PCNX2: variants seen among roughly 807,000 people sequenced by gnomAD.
The protein encoded by PCNX2 is pecanex-like protein 2.
A neutral mutation model predicts 223.8 loss-of-function variants in PCNX2; 168 were observed. That is an observed-to-expected ratio of 0.75 (90% CI 0.66 to 0.85). The LOEUF is 0.85. Among genes scored for constraint, PCNX2 ranks in the 40% least tolerant of loss-of-function variants. The pLI is 0.00. For synonymous variants in PCNX2, 1,006 were observed against 1,052.6 expected (o/e 0.96, Z 0.86); for missense variants, 2,507 against 2,675.5 (o/e 0.94, Z 1.39).
rs567267728 is a variant in PCNX2, at chr1:233,232,140, T to C, written c.2358+4705A>G. ...ATCCTATTATAACAGTGGCTATGTTTAGCAGCCAAAATTAATAACAAATCA... is the reference window on the plus strand; with the variant it reads ...ATCCTATTATAACAGTGGCTATGTTCAGCAGCCAAAATTAATAACAAATCA... On this transcript the variant is annotated intron_variant, in intron 9 of 33. Coordinates refer to ENST00000258229, the MANE Select transcript of PCNX2 (RefSeq NM_014801.4). Among the ~76,000 whole-genome samples, 12 of 152,368 alleles carry C rather than the reference T, an allele frequency of 7.9e-5. No individual in the cohort carries two copies. In the South Asian group the frequency reaches 2.5e-3, roughly 32 times the overall value.
At chr1:233,024,849 T>C (rs1404683745) in intron 26 of PCNX2, among the ~76,000 whole-genome samples, 1 of 152,182 alleles carries the variant, frequency 6.6e-6, no homozygotes, top group Non-Finnish European at 1.5e-5. Flanking sequence ...TTTAAATTTG[T>C]CCTCATCATC....
At chr1:233,176,723 G>A (rs2002475) in intron 17 of PCNX2, among the ~76,000 whole-genome samples, 8,926 of 152,286 alleles carry the variant, frequency 0.059, 515 homozygotes, top group East Asian at 0.31. Context: ...CCACCATCAA[G>A]ATGCTCTAGG....
intron 14 of PCNX2, 89 bp from the exon 15 acceptor site, chr1:233,199,119 G>T: frequency 8.2e-7 from 1 of 1,215,250 alleles, no homozygotes; most frequent in Non-Finnish European, 1.2e-6. Flanking sequence ...TTGCACATTC[G>T]CATACAAGAT....
Position 232,991,289 on chromosome 1 carries a change from C to T in PCNX2, c.5792-4749G>A, listed in dbSNP as rs1293181664. On this transcript the variant is annotated intron_variant, in intron 32 of 33. Transcript: ENST00000258229. This position sits in a 1 kb window ranked among gnomAD's most constrained non-coding sequence, Gnocchi z 4.3. Reference sequence around the variant, plus strand: ...ACACTGGGGACAGAGGAGGCAGCAGCTGAGGGGGCCCTGGAAAGGAGAATG... The same window carrying T: ...ACACTGGGGACAGAGGAGGCAGCAGTTGAGGGGGCCCTGGAAAGGAGAATG... Among the ~76,000 whole-genome samples the T allele has an allele frequency of 6.6e-6, 1 of 151,956 alleles. No individual in the cohort carries two copies. Among genetic ancestry groups the T allele is most frequent in the Non-Finnish European group, 1.5e-5 (1 of 67,982 alleles).
chr1:233,066,282 G>A (rs1672606337), intron 23 of PCNX2, among the ~76,000 whole-genome samples: 1 of 152,202 alleles, frequency 6.6e-6, no homozygotes, highest in Non-Finnish European at 1.5e-5. Context: ...ACTGAGCTGT[G>A]GGCAGTGACA....
chr1:233,005,904 T>A (rs1316537163), intron 28 of PCNX2, among the ~76,000 whole-genome samples: 1 of 152,202 alleles, frequency 6.6e-6, no homozygotes, highest in African/African-American at 2.4e-5. Flanking sequence ...TTGGCCTTCC[T>A]GGGGACTAAA....
chr1:233,192,212 C>T (rs936486887), intron 15 of PCNX2, among the ~76,000 whole-genome samples: 1 of 152,132 alleles, frequency 6.6e-6, no homozygotes, highest in African/African-American at 2.4e-5. Flanking sequence ...AGCCAAGTGA[C>T]ATATATACAT....
chr1:233,032,048 T>C, intron 25 of PCNX2: 1 of 980,548 alleles, frequency 1.0e-6, no homozygotes, highest in South Asian at 4.7e-5. Context: ...ATAATATAAT[T>C]TAGGAAGAAA....
At chr1:233,266,291 T>A (rs74982670) in intron 1 of PCNX2, among the ~76,000 whole-genome samples, 29,443 of 152,014 alleles carry the variant, frequency 0.19, 2,865 homozygotes, top group South Asian at 0.25. Flanking sequence ...GAGGATCTCT[T>A]GAGCCCAGGA....
rs534927584 is a variant in PCNX2, at chr1:233,242,487, T to C, written c.2223-5507A>G. Among the ~76,000 whole-genome samples, 6 of 152,346 alleles carry C rather than the reference T, an allele frequency of 3.9e-5. No individual in the cohort carries two copies. In the South Asian group the frequency reaches 1.2e-3, roughly 32 times the overall value. On this transcript the variant is annotated intron_variant, in intron 8 of 33. Transcript: ENST00000258229. Reference sequence around the variant, plus strand: ...TCAGATTTCACTGGGGAGCAGATGATATGCATTTTGCATGCATTTCCATTA... The same window carrying C: ...TCAGATTTCACTGGGGAGCAGATGACATGCATTTTGCATGCATTTCCATTA...
intron 8 of PCNX2, among the ~76,000 whole-genome samples, chr1:233,248,261 G>T (rs574780056): frequency 6.6e-6 from 1 of 151,616 alleles, no homozygotes; most frequent in Admixed American, 6.6e-5. Flanking sequence ...AACATCCCTC[G>T]GAGAGCCAGC....
At chr1:233,074,448 A>G (rs1672996189) in intron 23 of PCNX2, among the ~76,000 whole-genome samples, 1 of 151,714 alleles carries the variant, frequency 6.6e-6, no homozygotes, top group African/African-American at 2.4e-5. Flanking sequence ...CAAAAAAATT[A>G]GCTGGGCGTA....
the PCNX2 span, among the ~76,000 whole-genome samples, chr1:233,324,923 C>A: frequency 6.6e-6 from 1 of 152,086 alleles, no homozygotes; most frequent in African/African-American, 2.4e-5. Context: ...CTGTTAAGAG[C>A]TATTGCTCAG....
At chr1:233,282,863 G>A (rs1004155163) in intron 1 of PCNX2, among the ~76,000 whole-genome samples, 8 of 151,990 alleles carry the variant, frequency 5.3e-5, no homozygotes, top group Admixed American at 4.6e-4. Flanking sequence ...CAGCAAGGAC[G>A]GAGGAAAAGC....
chr1:233,295,137 T>C lies in PCNX2; in HGVS notation c.153+189A>G, dbSNP rs1662002290. Among the ~76,000 whole-genome samples the C allele has an allele frequency of 1.3e-5, 2 of 152,166 alleles. No individual in the cohort carries two copies. Among genetic ancestry groups the C allele is most frequent in the Admixed American group, 6.5e-5 (1 of 15,282 alleles). On this transcript the variant is annotated intron_variant, in intron 1 of 33. Coordinates refer to ENST00000258229, the MANE Select transcript of PCNX2 (RefSeq NM_014801.4). This position sits in a 1 kb window ranked among gnomAD's most constrained non-coding sequence, Gnocchi z 4.1. ...GCAGTCCTGTCTACTTCTTTTCTTTTCCAGTGAATCCTCACAGTCCCCTTT... is the reference window on the plus strand; with the variant it reads ...GCAGTCCTGTCTACTTCTTTTCTTTCCCAGTGAATCCTCACAGTCCCCTTT...
At chr1:233,158,515 T>A (rs1033432639) in intron 19 of PCNX2, among the ~76,000 whole-genome samples, 1 of 152,058 alleles carries the variant, frequency 6.6e-6, no homozygotes, top group Non-Finnish European at 1.5e-5. Context: ...GGTACAGGTA[T>A]AGGTAAAGAT....
intron 15 of PCNX2, among the ~76,000 whole-genome samples, chr1:233,193,611 C>T (rs1295102754): frequency 6.6e-6 from 1 of 151,988 alleles, no homozygotes; most frequent in East Asian, 1.9e-4. Context: ...CACAGCCTGA[C>T]AACAAGAAAA....
chr1:233,283,462 G>A (rs781242152), intron 1 of PCNX2, among the ~76,000 whole-genome samples: 14 of 152,152 alleles, frequency 9.2e-5, no homozygotes, highest in Non-Finnish European at 1.6e-4. Context: ...GGGAAAGTAC[G>A]AGCTAAGCCA....
At position 233,270,370 on chromosome 1, in the gene PCNX2, T is replaced by A. The variant is rs982125902; in HGVS notation, c.154-7207A>T. Among the ~76,000 whole-genome samples, 3 of 152,296 alleles carry A rather than the reference T, an allele frequency of 2.0e-5. No individual in the cohort carries two copies. In the East Asian group the frequency reaches 5.8e-4, roughly 29 times the overall value. ...AAAATCTGGAACTTGTGATTATATG[T>A]TGAAAACTAGAACAAGCCCAGCAGA... On this transcript the variant is annotated intron_variant, in intron 1 of 33. Transcript: ENST00000258229.
Sources: allele counts gnomAD v4.1 joint callset (sites outside exome capture counted in the v4.1 genomes callset), GRCh38; gene constraint gnomAD v4.1.1; non-coding constraint Gnocchi (gnomAD v3.1); transcripts MANE v1.5; gene names NCBI Gene and HGNC (gene_info 2026-07-23, HGNC 2026-07-21).